Variants in TIMM10B observed in about 807,000 individuals in gnomAD.
The protein encoded by TIMM10B is mitochondrial import inner membrane translocase subunit Tim10 B.
Under a neutral mutation model 12.6 loss-of-function variants are expected in TIMM10B, and 17 were observed. The ratio of observed to expected loss-of-function variants is 1.35; its 90% CI spans 0.92 to 2.03. The LOEUF is 2.03. Ranked by LOEUF, TIMM10B falls within the 30% of genes most tolerant of loss-of-function variation. The pLI is 0.00. For synonymous variants in TIMM10B, 63 were observed against 51.3 expected (o/e 1.23, Z -0.97); for missense variants, 165 against 133.3 (o/e 1.24, Z -1.17).
chr11:6,482,150 G>C lies in TIMM10B; in HGVS notation c.241G>C (p.Asp81His). 1 of 1,612,644 alleles carries C rather than the reference G, an allele frequency of 6.2e-7. No homozygotes were observed. The highest frequency in any genetic ancestry group is 8.5e-7 in the Non-Finnish European group (1 of 1,180,024). The change falls in exon 3 of 3, where the codon GAC (aspartate) becomes CAC (histidine). Residue 81 changes from aspartate to histidine, a missense_variant. Asp to His is a moderately conservative substitution (Grantham distance 81). Transcript: ENST00000254616. ...MPALVQRRIA[D>H]YEAASAVPGV... ...TGCCCTGGTACAGCGCCGCATCGCA[G>C]ACTACGAGGCTGCCTCGGCTGTGCC...
Position 6,482,301 on chromosome 11 carries a change from C to T in TIMM10B, c.*80C>T, listed in dbSNP as rs1385111616. 7.3e-7 allele frequency: 1 copy of T among 1,361,928 alleles called. No individual in the cohort carries two copies. The highest frequency in any genetic ancestry group is 1.4e-5 in the African/African-American group (1 of 69,014). The allele number at this position is 1,361,928 out of a possible 1,614,324, so 84.4% of individuals were successfully genotyped here. ...CGGTGGACCTTGGGGTTGGTGAATC[C>T]TAAACAGAGAGAATTCGAGGTTGCC... On this transcript the variant is annotated 3_prime_UTR_variant, in exon 3 of 3. Transcript: ENST00000254616.
intron 1 of TIMM10B, 65 bp downstream of exon 1, chr11:6,481,620 A>G: frequency 6.4e-7 from 1 of 1,573,636 alleles, no homozygotes; most frequent in Admixed American, 1.9e-5. Context: ...ACATCGCGGG[A>G]ACCCCACAGG....
In TIMM10B at chr11:6,481,537, G is replaced by GCAA; in HGVS notation, c.24_26dup (p.Gln10dup). The stretch of plus-strand genomic sequence containing the variant: ...GCGTGATGGAGCGGCAGCAGCAGCA[G>GCAA]CAACAGCAACTGCGAAACGTAAGTG... On this transcript the variant is annotated inframe_insertion, in exon 1 of 3. Coordinates refer to ENST00000254616, the MANE Select transcript of TIMM10B (RefSeq NM_012192.4). The GCAA allele has an allele frequency of 6.2e-7, 1 of 1,611,056 alleles. No homozygotes were observed. The highest frequency in any genetic ancestry group is 8.5e-7 in the Non-Finnish European group (1 of 1,178,976).
At position 6,482,364 on chromosome 11, in the gene TIMM10B, A is replaced by G. The variant is rs916556733; in HGVS notation, c.*143A>G. The G allele has an allele frequency of 3.0e-5, 21 of 711,140 alleles. No homozygotes were observed. The highest frequency in any genetic ancestry group is 2.1e-4 in the South Asian group (11 of 51,198). 44.1% of individuals were successfully genotyped at this position (711,140 alleles called of 1,614,324 possible). On this transcript the variant is annotated 3_prime_UTR_variant, in exon 3 of 3. Coordinates refer to ENST00000254616, the MANE Select transcript of TIMM10B (RefSeq NM_012192.4). ...GTCCTTGCTCCTTTTCCTGGAGCCA[A>G]TATACCCAGTTTTTACTCAGTTTGA...
In TIMM10B at chr11:6,481,560, G is replaced by A. The variant is rs1589857421; in HGVS notation, c.39+5G>A. 1.9e-6 allele frequency: 3 copies of A among 1,606,238 alleles called. No homozygotes were observed. The South Asian group carries it at 3.3e-5, about 18-fold the overall frequency. On this transcript the variant is annotated splice_donor_5th_base_variant and intron_variant, in intron 1 of 2. Coordinates refer to ENST00000254616, the MANE Select transcript of TIMM10B (RefSeq NM_012192.4). Reference sequence around the variant, plus strand: ...CAGCAACAGCAACTGCGAAACGTAAGTGAGAACTAAGTCGTTTCGAGGCCA... The same window carrying A: ...CAGCAACAGCAACTGCGAAACGTAAATGAGAACTAAGTCGTTTCGAGGCCA...
At chr11:6,481,920 C>A (rs1392489681) in intron 2 of TIMM10B, 68 bp downstream of exon 2, 3 of 1,604,574 alleles carry the variant, frequency 1.9e-6, no homozygotes, top group Non-Finnish European at 2.6e-6. Context: ...CCTCCTCACC[C>A]CACTTCCCGT....
chr11:6,481,993 C>T (rs376176270), intron 2 of TIMM10B, 52 bp from the exon 3 acceptor site: 32 of 1,594,600 alleles, frequency 2.0e-5, no homozygotes, highest in Non-Finnish European at 2.7e-5. Flanking sequence ...AGAAAGGAGG[C>T]GGACCCGACA....
rs939286963 is a variant in TIMM10B, at chr11:6,483,561, A to T, written c.*1340A>T. 1 of 152,426 alleles carries T rather than the reference A, an allele frequency of 6.6e-6. No individual in the cohort carries two copies. The highest frequency in any genetic ancestry group is 1.5e-5 in the Non-Finnish European group (1 of 68,056). 9.4% of individuals were successfully genotyped at this position (152,426 alleles called of 1,614,324 possible). A position where few individuals can be genotyped will look rare whatever the true frequency, so the allele number is the denominator to read the frequency against. On this transcript the variant is annotated 3_prime_UTR_variant, in exon 3 of 3. Coordinates refer to ENST00000254616, the MANE Select transcript of TIMM10B (RefSeq NM_012192.4). The stretch of plus-strand genomic sequence containing the variant: ...TATTCAAGGCCTCCAACCTCAGCCA[A>T]GTCCTCACACCAACACGCAGTCACA...
At chr11:6,481,716 G>A in intron 1 of TIMM10B, 41 bp from the exon 2 acceptor site, 1 of 1,613,502 alleles carries the variant, frequency 6.2e-7, no homozygotes, top group Non-Finnish European at 8.5e-7. Context: ...TAGAAGTGTG[G>A]GGCCCTTATC....
At position 6,481,527 on chromosome 11, in the gene TIMM10B, A is replaced by G. The variant is rs563095226; in HGVS notation, c.11A>G (p.Gln4Arg). MER[Q>R]QQQQQQLRNL... ...TGCGCCGGTGGCGTGATGGAGCGGC[A>G]GCAGCAGCAGCAACAGCAACTGCGA... The change falls in exon 1 of 3, where the codon CAG becomes CGG. Residue 4 changes from glutamine (Q) to arginine (R), a missense_variant. Transcript: ENST00000254616. The G allele has an allele frequency of 1.3e-5, 21 of 1,579,032 alleles. No individual in the cohort carries two copies. The highest frequency in any genetic ancestry group is 8.1e-5 in the African/African-American group (6 of 73,786).
rs74055809 is a variant in TIMM10B, at chr11:6,482,219, T to G, written c.310T>G (p.Ter104GluextTer16). 2.2e-3 allele frequency: 3,507 copies of G among 1,601,162 alleles called. 50 individuals are homozygous for G. In the African/African-American group the frequency reaches 0.034, roughly 15 times the overall value. ...EQPGVSPSGS[*>E] Reference sequence around the variant, plus strand: ...GCCTGGGGTCTCTCCATCAGGCAGCTAGCCATACCCAACCCCAGGAAGGAA... The same window carrying G: ...GCCTGGGGTCTCTCCATCAGGCAGCGAGCCATACCCAACCCCAGGAAGGAA... Residue 104 changes from the stop codon to glutamate, a stop_lost, in exon 3 of 3, where the codon TAG becomes GAG. Transcript: ENST00000254616.
At position 6,481,518 on chromosome 11, in the gene TIMM10B, T is replaced by TGGAGCGGCA; in HGVS notation, c.4_12dup (p.Glu2_Gln4dup). 1 of 1,611,272 alleles carries TGGAGCGGCA rather than the reference T, an allele frequency of 6.2e-7. No homozygotes were observed. The highest frequency in any genetic ancestry group is 1.1e-5 in the South Asian group (1 of 90,806). On this transcript the variant is annotated inframe_insertion, in exon 1 of 3. Coordinates refer to ENST00000254616, the MANE Select transcript of TIMM10B (RefSeq NM_012192.4). ...CGTACGGCATGCGCCGGTGGCGTGATGGAGCGGCAGCAGCAGCAGCAACAG... is the reference window on the plus strand; with the variant it reads ...CGTACGGCATGCGCCGGTGGCGTGATGGAGCGGCAGGAGCGGCAGCAGCAGCAGCAACAG...
Position 6,483,474 on chromosome 11 carries a change from T to G in TIMM10B, c.*1253T>G, listed in dbSNP as rs1851875018. On this transcript the variant is annotated 3_prime_UTR_variant, in exon 3 of 3. Transcript: ENST00000254616. ...TTTTTGTATCATTCCACTTATTCTG[T>G]CTTTTCCATTCCTTCATTCAAACTG... 6.6e-6 allele frequency: 1 copy of G among 152,276 alleles called. No individual in the cohort carries two copies. The highest frequency in any genetic ancestry group is 2.4e-5 in the African/African-American group (1 of 41,450). The allele number at this position is 152,276 out of a possible 1,614,324, so 9.4% of individuals were successfully genotyped here. A position where few individuals can be genotyped will look rare whatever the true frequency, so the allele number is the denominator to read the frequency against.
chr11:6,482,517 C>T lies in TIMM10B; in HGVS notation c.*296C>T. 2.8e-6 allele frequency: 1 copy of T among 360,484 alleles called. No homozygotes were observed. The highest frequency in any genetic ancestry group is 5.2e-6 in the Non-Finnish European group (1 of 192,230). 22.3% of individuals were successfully genotyped at this position (360,484 alleles called of 1,614,324 possible). On this transcript the variant is annotated 3_prime_UTR_variant, in exon 3 of 3. Transcript: ENST00000254616. Reference sequence around the variant, plus strand: ...TGTTTTCTATATGTAGAAGGAAAACCTGAGCATTTGCAGGCATCTGGTTAA... The same window carrying T: ...TGTTTTCTATATGTAGAAGGAAAACTTGAGCATTTGCAGGCATCTGGTTAA...
rs1429361882 is a variant in TIMM10B at position 6,482,687 on chromosome 11, T to C, written c.*466T>C. The C allele has an allele frequency of 6.3e-6, 1 of 157,792 alleles. No individual in the cohort carries two copies. Among genetic ancestry groups the C allele is most frequent in the East Asian group, 1.9e-4 (1 of 5,394 alleles). 9.8% of individuals were successfully genotyped at this position (157,792 alleles called of 1,614,324 possible). ...CAGAAAGTACCAGAAGGTCATTTTA[T>C]ACAACAGGAGATTGGTTCCTGCCCA... On this transcript the variant is annotated 3_prime_UTR_variant, in exon 3 of 3. Coordinates refer to ENST00000254616, the MANE Select transcript of TIMM10B (RefSeq NM_012192.4).
chr11:6,482,115 A>C lies in TIMM10B; in HGVS notation c.206A>C (p.Gln69Pro), dbSNP rs1419995971. Residue 69 changes from glutamine (Q) to proline (P), a missense_variant, in exon 3 of 3, where the codon CAG becomes CCG. By Grantham distance (76) the Gln-to-Pro change is moderately conservative. Coordinates refer to ENST00000254616, the MANE Select transcript of TIMM10B (RefSeq NM_012192.4). ...SNHRLMAAYVQLMPALVQRRI... is the reference protein window; with the variant it reads ...SNHRLMAAYVPLMPALVQRRI... Reference sequence around the variant, plus strand: ...CACCGCCTCATGGCCGCTTACGTGCAGCTCATGCCTGCCCTGGTACAGCGC... The same window carrying C: ...CACCGCCTCATGGCCGCTTACGTGCCGCTCATGCCTGCCCTGGTACAGCGC... 3 of 1,613,768 alleles carry C rather than the reference A, an allele frequency of 1.9e-6. No individual in the cohort carries two copies. Among genetic ancestry groups the C allele is most frequent in the African/African-American group, 2.7e-5 (2 of 75,064 alleles).
chr11:6,481,905 G>T, intron 2 of TIMM10B, 53 bp downstream of exon 2: 3 of 1,607,474 alleles, frequency 1.9e-6, no homozygotes, highest in Non-Finnish European at 2.5e-6. Flanking sequence ...GCGGTAGACT[G>T]CTTCCCTCCT....
At position 6,481,951 on chromosome 11, in the gene TIMM10B, C is replaced by T. The variant is rs891433545; in HGVS notation, c.136-94C>T. ...CCCGTACCTCTGGCCCTGGCCTTCC[C>T]ACGACCCTCACCCCTAGGCTGGGCA... On this transcript the variant is annotated intron_variant, in intron 2 of 2. Coordinates refer to ENST00000254616, the MANE Select transcript of TIMM10B (RefSeq NM_012192.4). 3.1e-6 allele frequency: 5 copies of T among 1,598,808 alleles called. No homozygotes were observed. The African/African-American group carries it at 6.7e-5, about 21-fold the overall frequency.
In TIMM10B at chr11:6,482,337, G is replaced by A; in HGVS notation, c.*116G>A. The A allele has an allele frequency of 1.0e-6, 1 of 972,066 alleles. No individual in the cohort carries two copies. The highest frequency in any genetic ancestry group is 2.6e-5 in the East Asian group (1 of 37,744). The allele number at this position is 972,066 out of a possible 1,614,324, so 60.2% of individuals were successfully genotyped here. On this transcript the variant is annotated 3_prime_UTR_variant, in exon 3 of 3. Coordinates refer to ENST00000254616, the MANE Select transcript of TIMM10B (RefSeq NM_012192.4). ...GAATTCGAGGTTGCCTGAAAGCTGG[G>A]TGTCCTTGCTCCTTTTCCTGGAGCC...
Sources: allele counts gnomAD v4.1 joint callset, GRCh38; gene constraint gnomAD v4.1.1; transcripts MANE v1.5; gene names NCBI Gene and HGNC (gene_info 2026-07-23, HGNC 2026-07-21).